Variants in CSGALNACT1 observed in about 807,000 individuals in gnomAD.
CSGALNACT1 encodes the protein beta4GalNAcT-1.
In CSGALNACT1, 52 loss-of-function variants were observed where a neutral mutation model predicts 51.0. That is an observed-to-expected ratio of 1.02 (90% CI 0.82 to 1.29). The LOEUF (loss-of-function observed/expected upper bound fraction) is 1.29, where lower values mean the gene tolerates loss of function less well. Ranked by LOEUF, CSGALNACT1 falls within the 50% of genes most tolerant of loss-of-function variation. CSGALNACT1 has a pLI of 0.00. For missense variants in CSGALNACT1, 935 were observed against 679.2 expected, an observed-to-expected ratio of 1.38 and a Z score of -4.19; for synonymous variants, 341 against 254.4, an observed-to-expected ratio of 1.34 and a Z score of -3.24.
chr8:19,431,138 T>C (rs561149788), intron 6 of CSGALNACT1, among the ~76,000 whole-genome samples: 7 of 152,268 alleles, frequency 4.6e-5, no homozygotes, highest in Non-Finnish European at 1.0e-4. Context: ...TACTTTTTCC[T>C]TTCCAATCTG....
At chr8:19,504,957 T>G (rs1213750205) in intron 4 of CSGALNACT1, among the ~76,000 whole-genome samples, 1 of 152,212 alleles carries the variant, frequency 6.6e-6, no homozygotes, top group African/African-American at 2.4e-5. Context: ...AAGTTCTACC[T>G]TCTTCTGCCA....
At chr8:19,512,431 T>C (rs906130629) in intron 3 of CSGALNACT1, among the ~76,000 whole-genome samples, 4 of 152,206 alleles carry the variant, frequency 2.6e-5, no homozygotes, top group African/African-American at 9.7e-5. Context: ...TAATAAATGT[T>C]TGTTACTTTA....
At chr8:19,563,610 C>G (rs542925581) in intron 3 of CSGALNACT1, among the ~76,000 whole-genome samples, 1 of 152,272 alleles carries the variant, frequency 6.6e-6, no homozygotes, top group South Asian at 2.1e-4. Context: ...CTGCTTCCTC[C>G]TATTCCCACA....
chr8:19,426,560 C>T (rs551707897), intron 6 of CSGALNACT1, among the ~76,000 whole-genome samples: 12 of 152,302 alleles, frequency 7.9e-5, no homozygotes, highest in South Asian at 2.1e-4. Context: ...TGAAACTGAA[C>T]GTGCAGTTCC....
chr8:19,589,555 TC>T (rs1564170541), intron 3 of CSGALNACT1, among the ~76,000 whole-genome samples: 1 of 152,200 alleles, frequency 6.6e-6, no homozygotes, highest in Non-Finnish European at 1.5e-5. Context: ...GGTCTTGAAC[TC>T]CCGACCTCAA....
chr8:19,671,507 T>C (rs981104792), intron 1 of CSGALNACT1, among the ~76,000 whole-genome samples: 1 of 152,212 alleles, frequency 6.6e-6, no homozygotes, highest in Non-Finnish European at 1.5e-5. Context: ...CACTCATTTA[T>C]TCACCAAGTA....
intron 5 of CSGALNACT1, among the ~76,000 whole-genome samples, chr8:19,455,296 A>G (rs2063880848): frequency 6.6e-6 from 1 of 152,234 alleles, no homozygotes; most frequent in Non-Finnish European, 1.5e-5. Context: ...CTATATAAAT[A>G]TTTAGAAAAC....
chr8:19,584,368 C>T (rs952248527), intron 3 of CSGALNACT1, among the ~76,000 whole-genome samples: 13 of 152,150 alleles, frequency 8.5e-5, no homozygotes, highest in Admixed American at 2.0e-4. Flanking sequence ...GTGATTTTCA[C>T]ATTAGAATGT....
intron 4 of CSGALNACT1, among the ~76,000 whole-genome samples, chr8:19,480,291 T>C (rs2070998384): frequency 6.6e-6 from 1 of 152,156 alleles, no homozygotes; most frequent in African/African-American, 2.4e-5. Flanking sequence ...TAGGCACCAG[T>C]GTGTGTTGTT....
intron 1 of CSGALNACT1, among the ~76,000 whole-genome samples, chr8:19,736,833 G>A (rs1397644076): frequency 6.6e-6 from 1 of 152,014 alleles, no homozygotes; most frequent in Admixed American, 6.5e-5. Flanking sequence ...TGGGGAAAGA[G>A]GTTATTTTCA....
At chr8:19,528,886 A>G (rs2082221898) in intron 3 of CSGALNACT1, among the ~76,000 whole-genome samples, 1 of 152,254 alleles carries the variant, frequency 6.6e-6, no homozygotes, top group Admixed American at 6.5e-5. Context: ...CTAGGATGGT[A>G]GTTCTCTCTT....
At chr8:19,547,714 G>C (rs541129778) in intron 3 of CSGALNACT1, among the ~76,000 whole-genome samples, 2 of 152,136 alleles carry the variant, frequency 1.3e-5, no homozygotes, top group African/African-American at 4.8e-5. Context: ...ATACAATAAA[G>C]TATACTCTAG....
At chr8:19,507,013 C>G (rs187913966) in intron 3 of CSGALNACT1, among the ~76,000 whole-genome samples, 2 of 152,294 alleles carry the variant, frequency 1.3e-5, no homozygotes, top group African/African-American at 4.8e-5. Flanking sequence ...TTAGAGCAGG[C>G]CTGAAAGAGG....
intron 1 of CSGALNACT1, among the ~76,000 whole-genome samples, chr8:19,624,477 T>G (rs1197416922): frequency 6.6e-6 from 1 of 152,156 alleles, no homozygotes; most frequent in East Asian, 1.9e-4. Context: ...TGTTTAAAAA[T>G]AGCCAACACA....
intron 1 of CSGALNACT1, among the ~76,000 whole-genome samples, chr8:19,670,406 C>T (rs2059699921): frequency 6.6e-6 from 1 of 152,102 alleles, no homozygotes; most frequent in Non-Finnish European, 1.5e-5. Flanking sequence ...AAGTTATATC[C>T]TGAACATTTC....
chr8:19,537,843 T>C (rs1030666509), intron 3 of CSGALNACT1, among the ~76,000 whole-genome samples: 4 of 152,188 alleles, frequency 2.6e-5, no homozygotes, highest in African/African-American at 9.7e-5. Context: ...GTAGACAAAG[T>C]ACTATTTGAC....
chr8:19,636,698 C>T lies in CSGALNACT1; in HGVS notation c.-543-34833G>A, dbSNP rs75029448. ...GTGCTGTCCCCAAATGGAGTGAGAACTTGGTAACATCCTTCTAGAATTCCC... is the reference window on the plus strand; with the variant it reads ...GTGCTGTCCCCAAATGGAGTGAGAATTTGGTAACATCCTTCTAGAATTCCC... On this transcript the variant is annotated intron_variant, in intron 1 of 9. Coordinates refer to the CSGALNACT1 transcript ENST00000332246. Among the ~76,000 whole-genome samples the T allele has an allele frequency of 3.2e-4, 48 of 152,272 alleles. 1 individual carries two copies. In the East Asian group the frequency reaches 8.9e-3, roughly 28 times the overall value.
chr8:19,458,593 G>T, exon 5 of CSGALNACT1: 2 of 1,614,182 alleles, frequency 1.2e-6, no homozygotes, highest in Non-Finnish European at 1.7e-6. Context: ...GGTCCCCTTT[G>T]AAGGTGAGCT....
At position 19,506,069 on chromosome 8, in the gene CSGALNACT1, C is replaced by T. The variant is rs766439200; in HGVS notation, c.-235G>A. 4 of 676,670 alleles carry T rather than the reference C, an allele frequency of 5.9e-6. No individual in the cohort carries two copies. Among genetic ancestry groups the T allele is most frequent in the Non-Finnish European group, 1.1e-5 (4 of 371,318 alleles). 41.9% of individuals were successfully genotyped at this position (676,670 alleles called of 1,614,324 possible). ...GAAGCAATGACTGAAGTGAAATCTC[C>T]AAGTTTTCACCTTCATTCCCATCAC... On this transcript the variant is annotated 5_prime_UTR_variant, in exon 4 of 10. The change creates a premature stop within an existing upstream ORF in the 5' untranslated region. Transcript: ENST00000454498.
Sources: gnomAD v4.1 joint callset for allele counts (sites outside exome capture counted in the v4.1 genomes callset) on GRCh38, gnomAD v4.1.1 for gene constraint, MANE v1.5 for transcripts, NCBI Gene and HGNC (gene_info 2026-07-23, HGNC 2026-07-21) for gene names.